Variants in FSTL5 observed in about 807,000 individuals in gnomAD.
FSTL5 encodes the protein follistatin like 5.
A neutral mutation model predicts 89.1 loss-of-function variants in FSTL5; 62 were observed. The observed-to-expected ratio is 0.70, with a 90% CI of 0.57 to 0.86. The LOEUF is 0.86. Among genes scored for constraint, FSTL5 ranks in the 40% least tolerant of loss-of-function variants. The probability of loss-of-function intolerance (pLI) is 0.00; values close to 1 mark genes in which losing one functional copy is unlikely to be tolerated. For missense variants in FSTL5, 1,057 were observed against 1,001.6 expected (o/e 1.06, Z -0.75); for synonymous variants, 383 against 346.2 (o/e 1.11, Z -1.18).
intron 13 of FSTL5, among the ~76,000 whole-genome samples, chr4:161,460,684 G>A (rs1733532440): frequency 6.6e-6 from 1 of 152,016 alleles, no homozygotes; most frequent in South Asian, 2.1e-4. Flanking sequence ...AACATTCTCA[G>A]TATTCTTGGA....
intron 3 of FSTL5, among the ~76,000 whole-genome samples, chr4:161,950,769 C>T (rs1367985262): frequency 1.3e-5 from 2 of 152,086 alleles, no homozygotes; most frequent in Non-Finnish European, 2.9e-5. Flanking sequence ...TGTCTTTTGG[C>T]CTGCTGGCTA....
intron 4 of FSTL5, among the ~76,000 whole-genome samples, chr4:161,778,117 C>T (rs905262479): frequency 2.6e-5 from 4 of 151,258 alleles, no homozygotes; most frequent in Non-Finnish European, 1.5e-5. Context: ...CACACACACA[C>T]ACACACAAAA....
At chr4:162,077,985 T>C (rs2111326453) in intron 2 of FSTL5, among the ~76,000 whole-genome samples, 1 of 151,990 alleles carries the variant, frequency 6.6e-6, no homozygotes, top group Non-Finnish European at 1.5e-5. Context: ...ATAAAGGCAT[T>C]GGTGAGTTGA....
intron 1 of FSTL5, among the ~76,000 whole-genome samples, chr4:162,153,679 A>G (rs1324276192): frequency 7.4e-6 from 1 of 134,358 alleles, no homozygotes; most frequent in East Asian, 2.1e-4. Flanking sequence ...TATATTATAT[A>G]TGTATATAAT....
At chr4:161,570,942 C>T (rs540538500) in intron 8 of FSTL5, among the ~76,000 whole-genome samples, 6 of 151,908 alleles carry the variant, frequency 3.9e-5, no homozygotes, top group South Asian at 2.1e-4. Flanking sequence ...GGTGAAACCC[C>T]GTCTCTACTA....
intron 1 of FSTL5, among the ~76,000 whole-genome samples, chr4:162,153,795 A>ATGTG (rs540067249): frequency 0.013 from 1,475 of 116,794 alleles, 36 homozygotes; most frequent in African/African-American, 0.041. Context: ...ATATATGTAT[A>ATGTG]TGTATATATA....
At chr4:161,705,453 C>T (rs990492870) in intron 6 of FSTL5, among the ~76,000 whole-genome samples, 1 of 152,026 alleles carries the variant, frequency 6.6e-6, no homozygotes, top group African/African-American at 2.4e-5. Context: ...AAAATATGTC[C>T]TTAGTGCTTT....
At chr4:161,763,085 G>T (rs1290397802) in intron 5 of FSTL5, among the ~76,000 whole-genome samples, 1 of 152,078 alleles carries the variant, frequency 6.6e-6, no homozygotes, top group Non-Finnish European at 1.5e-5. Context: ...TCCGCAAAAT[G>T]AACTATTCTC....
rs10610828 is a variant in FSTL5, at chr4:162,019,770, CTGTG to C, written c.160+13851_160+13854del. On this transcript the variant is annotated intron_variant, in intron 3 of 15. Transcript: ENST00000306100. ...TCTCTCTCTTTCTCTCTCTCTTTCT[CTGTG>C]TGTGTGTGTGTGTGTGTATGTGTGT... is the stretch of plus-strand genomic sequence containing the variant. Among the ~76,000 whole-genome samples the C allele has an allele frequency of 1.4e-3, 201 of 148,094 alleles. 1 individual carries two copies. Among genetic ancestry groups the C allele is most frequent in the African/African-American group, 4.3e-3 (173 of 40,440 alleles).
At chr4:161,513,265 A>AG (rs1730706460) in intron 10 of FSTL5, among the ~76,000 whole-genome samples, 2 of 97,180 alleles carry the variant, frequency 2.1e-5, no homozygotes, top group Admixed American at 2.8e-4. Flanking sequence ...GAACCAAACA[A>AG]GGAGGGGGAG....
chr4:162,005,158 C>T (rs1279211564), intron 3 of FSTL5, among the ~76,000 whole-genome samples: 1 of 152,074 alleles, frequency 6.6e-6, no homozygotes, highest in Non-Finnish European at 1.5e-5. Flanking sequence ...GTGTTTTCAC[C>T]TGTGTTGTTC....
At chr4:162,020,972 TA>T (rs1425987211) in intron 3 of FSTL5, among the ~76,000 whole-genome samples, 5 of 152,146 alleles carry the variant, frequency 3.3e-5, no homozygotes, top group African/African-American at 4.8e-5. Context: ...TGAGTAAAAT[TA>T]ATCTTTTCTT....
At chr4:161,436,310 A>C (rs1009606334) in intron 15 of FSTL5, among the ~76,000 whole-genome samples, 3 of 152,184 alleles carry the variant, frequency 2.0e-5, no homozygotes, top group Non-Finnish European at 4.4e-5. Flanking sequence ...GGAGATTTAC[A>C]TACTTTCCTA....
chr4:161,904,983 TTTA>T (rs1733479559), intron 4 of FSTL5, among the ~76,000 whole-genome samples: 1 of 152,010 alleles, frequency 6.6e-6, no homozygotes, highest in Non-Finnish European at 1.5e-5. Flanking sequence ...ATATCATGAA[TTTA>T]TTATTATCCA....
intron 4 of FSTL5, among the ~76,000 whole-genome samples, chr4:161,787,975 A>G (rs1741965081): frequency 6.6e-6 from 1 of 152,170 alleles, no homozygotes; most frequent in African/African-American, 2.4e-5. Flanking sequence ...TTCATTTAAA[A>G]TGTGTGAAAT....
At chr4:161,802,086 C>T (rs1579102996) in intron 4 of FSTL5, among the ~76,000 whole-genome samples, 1 of 151,450 alleles carries the variant, frequency 6.6e-6, no homozygotes, top group Non-Finnish European at 1.5e-5. Flanking sequence ...TGAAAAGAAG[C>T]CTATTTTGAT....
intron 1 of FSTL5, among the ~76,000 whole-genome samples, chr4:162,120,690 C>T (rs1356469671): frequency 1.3e-5 from 2 of 151,924 alleles, no homozygotes; most frequent in Non-Finnish European, 2.9e-5. Flanking sequence ...TAACAGTATG[C>T]TCATGATAAA....
intron 4 of FSTL5, among the ~76,000 whole-genome samples, chr4:161,791,893 A>G (rs369309583): frequency 4.6e-5 from 7 of 152,326 alleles, no homozygotes; most frequent in African/African-American, 1.4e-4. Context: ...CATTTGCTGC[A>G]GTGGAGAAGG....
intron 4 of FSTL5, among the ~76,000 whole-genome samples, chr4:161,789,156 T>C (rs1729368413): frequency 6.6e-6 from 1 of 152,160 alleles, no homozygotes; most frequent in African/African-American, 2.4e-5. Context: ...TTAGTAATAT[T>C]TTATTTTCTT....
Sources: allele counts gnomAD v4.1 joint callset (sites outside exome capture counted in the v4.1 genomes callset), GRCh38; gene constraint gnomAD v4.1.1; transcripts MANE v1.5; gene names NCBI Gene and HGNC (gene_info 2026-07-23, HGNC 2026-07-21).